Variants in CAMKMT observed in about 807,000 individuals in gnomAD.
CAMKMT encodes CaM KMT.
In CAMKMT, 53 loss-of-function variants were observed where a neutral mutation model predicts 48.0. That is an observed-to-expected ratio of 1.10 (90% CI 0.89 to 1.39). The LOEUF (loss-of-function observed/expected upper bound fraction) is 1.39. CAMKMT is among the 40% of genes most tolerant of loss of function. CAMKMT has a pLI of 0.00. For missense variants in CAMKMT, 428 were observed against 402.7 expected (o/e 1.06, Z -0.54); for synonymous variants, 165 against 152.3 (o/e 1.08, Z -0.61).
At chr2:44,591,443 G>A (rs548880550) in intron 3 of CAMKMT, among the ~76,000 whole-genome samples, 242 of 152,024 alleles carry the variant, frequency 1.6e-3, no homozygotes, top group South Asian at 8.5e-3. Context: ...GCAGTGGTTT[G>A]TAGTTCTCCT....
At chr2:44,476,384 T>C (rs1421260213) in intron 3 of CAMKMT, among the ~76,000 whole-genome samples, 1 of 152,192 alleles carries the variant, frequency 6.6e-6, no homozygotes, top group Non-Finnish European at 1.5e-5. Context: ...TAGTATAACA[T>C]ATTCTTAAAA....
intron 3 of CAMKMT, among the ~76,000 whole-genome samples, chr2:44,410,601 A>G (rs1683137299): frequency 1.3e-5 from 2 of 152,016 alleles, no homozygotes; most frequent in South Asian, 2.1e-4. Context: ...AGCCCAACAT[A>G]GACTCTGATG....
intron 7 of CAMKMT, among the ~76,000 whole-genome samples, chr2:44,737,264 C>A (rs1457974230): frequency 6.6e-6 from 1 of 152,108 alleles, no homozygotes; most frequent in African/African-American, 2.4e-5. Context: ...CACAAGCATG[C>A]ACCACCATGC....
At position 44,584,783 on chromosome 2, in the gene CAMKMT, G is replaced by A. The variant is rs191783174; in HGVS notation, c.377-119500G>A. Among the ~76,000 whole-genome samples the A allele has an allele frequency of 2.8e-3, 427 of 152,148 alleles. 1 individual carries two copies. Among genetic ancestry groups the A allele is most frequent in the African/African-American group, 7.7e-3 (321 of 41,516 alleles). The stretch of plus-strand genomic sequence containing the variant: ...TTAAAAAAAATAGTAGGCCGGGTGC[G>A]GTGGCTCACACCTGTAATCCCAGCA... On this transcript the variant is annotated intron_variant, in intron 3 of 10. Coordinates refer to ENST00000378494, the MANE Select transcript of CAMKMT (RefSeq NM_024766.5).
chr2:44,587,718 G>A (rs1305458454), intron 3 of CAMKMT, among the ~76,000 whole-genome samples: 1 of 132,136 alleles, frequency 7.6e-6, no homozygotes, highest in Non-Finnish European at 1.6e-5. Flanking sequence ...GACCGCGAGT[G>A]ATCCGCCAGC....
intron 4 of CAMKMT, chr2:44,705,409 G>A (rs1677498639): frequency 3.0e-6 from 3 of 985,396 alleles, no homozygotes; most frequent in South Asian, 9.4e-5. Flanking sequence ...GGGCTGCAGA[G>A]CTGCCCTGGA....
intron 3 of CAMKMT, among the ~76,000 whole-genome samples, chr2:44,625,767 C>A (rs953773424): frequency 6.6e-6 from 1 of 152,048 alleles, no homozygotes; most frequent in Non-Finnish European, 1.5e-5. Flanking sequence ...GTGAAAAGAT[C>A]ATCTTTTCTC....
chr2:44,446,190 G>A (rs927958276), intron 3 of CAMKMT, among the ~76,000 whole-genome samples: 6 of 151,530 alleles, frequency 4.0e-5, no homozygotes, highest in African/African-American at 4.9e-5. Flanking sequence ...TCAGGTGATC[G>A]GCTCACCTTG....
intron 3 of CAMKMT, among the ~76,000 whole-genome samples, chr2:44,450,780 A>G (rs1214345521): frequency 6.6e-6 from 1 of 152,164 alleles, no homozygotes; most frequent in Non-Finnish European, 1.5e-5. Context: ...TATTTCAATA[A>G]AACAAAAATC....
At chr2:44,607,752 A>G (rs569257384) in intron 3 of CAMKMT, among the ~76,000 whole-genome samples, 51 of 152,290 alleles carry the variant, frequency 3.3e-4, no homozygotes, top group Admixed American at 4.6e-4. Context: ...ATGTAATTAT[A>G]ATTTGAATAT....
rs530047729 is a variant in CAMKMT, at chr2:44,718,588, A to G, written c.623+3235A>G. Among the ~76,000 whole-genome samples the G allele has an allele frequency of 3.9e-5, 6 of 152,340 alleles. No homozygotes were observed. The South Asian group carries it at 8.3e-4, about 21-fold the overall frequency. On this transcript the variant is annotated intron_variant, in intron 7 of 10. Coordinates refer to ENST00000378494, the MANE Select transcript of CAMKMT (RefSeq NM_024766.5). ...TATCTCAATTGTTGGGTTTATCTAA[A>G]GCTGTCTTCAAAATTGTGACTGTTT...
At chr2:44,673,530 G>GAAGA (rs1675485513) in intron 3 of CAMKMT, among the ~76,000 whole-genome samples, 1 of 143,664 alleles carries the variant, frequency 7.0e-6, no homozygotes. Context: ...AGGAGGGAAG[G>GAAGA]AAGAAATCTA....
At chr2:44,697,728 G>T (rs115467456) in intron 3 of CAMKMT, among the ~76,000 whole-genome samples, 1 of 151,966 alleles carries the variant, frequency 6.6e-6, no homozygotes, top group East Asian at 1.9e-4. Flanking sequence ...AGCAGATGGC[G>T]TGGGGTGGAT....
At chr2:44,467,680 A>G (rs1486801629) in intron 3 of CAMKMT, among the ~76,000 whole-genome samples, 1 of 152,240 alleles carries the variant, frequency 6.6e-6, no homozygotes, top group Non-Finnish European at 1.5e-5. Context: ...AATAGAATAC[A>G]GAACCAAGAA....
At chr2:44,643,064 A>G (rs543519328) in intron 3 of CAMKMT, among the ~76,000 whole-genome samples, 39 of 152,248 alleles carry the variant, frequency 2.6e-4, no homozygotes, top group African/African-American at 9.1e-4. Flanking sequence ...AACCCTATAA[A>G]TCAGTATTAT....
chr2:44,586,587 C>G (rs1185773335), intron 3 of CAMKMT, among the ~76,000 whole-genome samples: 2 of 152,160 alleles, frequency 1.3e-5, no homozygotes, highest in Non-Finnish European at 2.9e-5. Context: ...TGCTTTCACT[C>G]AGCATAATTA....
intron 3 of CAMKMT, among the ~76,000 whole-genome samples, chr2:44,477,878 G>C (rs1668768602): frequency 6.6e-6 from 1 of 152,192 alleles, no homozygotes; most frequent in Admixed American, 6.5e-5. Context: ...GCAGTAGTGT[G>C]AGAACTCATG....
At chr2:44,741,925 A>G (rs1420599596) in intron 7 of CAMKMT, among the ~76,000 whole-genome samples, 1 of 152,260 alleles carries the variant, frequency 6.6e-6, no homozygotes, top group Non-Finnish European at 1.5e-5. Context: ...GCAAATTCTA[A>G]AGAGACATTT....
intron 3 of CAMKMT, among the ~76,000 whole-genome samples, chr2:44,636,268 G>A (rs1398857347): frequency 6.6e-6 from 1 of 152,188 alleles, no homozygotes; most frequent in Non-Finnish European, 1.5e-5. Context: ...TAAGGCAGAT[G>A]AGATGCCAGG....
Sources: allele counts gnomAD v4.1 joint callset (sites outside exome capture counted in the v4.1 genomes callset), GRCh38; gene constraint gnomAD v4.1.1; transcripts MANE v1.5; gene names NCBI Gene and HGNC (gene_info 2026-07-23, HGNC 2026-07-21).